TMEM196: variants seen among roughly 807,000 people sequenced by gnomAD.
TMEM196 encodes the protein transmembrane protein 196.
A neutral mutation model predicts 20.0 loss-of-function variants in TMEM196; 17 were observed. The observed-to-expected ratio is 0.85, with a 90% CI of 0.58 to 1.27. TMEM196 has a LOEUF of 1.27. TMEM196 is among the 50% of genes most tolerant of loss of function. The pLI is 0.00. For synonymous variants in TMEM196, 113 were observed against 88.9 expected (o/e 1.27, Z -1.52); for missense variants, 267 against 223.0 (o/e 1.20, Z -1.26).
chr7:19,724,301 G>C lies in TMEM196; in HGVS notation c.512C>G (p.Pro171Arg). The C allele has an allele frequency of 6.5e-7, 1 of 1,550,180 alleles. No individual in the cohort carries two copies. Among genetic ancestry groups the C allele is most frequent in the Non-Finnish European group, 8.7e-7 (1 of 1,146,760 alleles). Residue 171 changes from proline to arginine, a missense_variant, in exon 4 of 5, where the codon CCG becomes CGG. Coordinates refer to ENST00000405844, the MANE Select transcript of TMEM196 (RefSeq NM_001363562.2). ...TDLPSCPVVP[P>R]TPELPTRK Reference sequence around the variant, plus strand: ...GTACCTTGTAGGTAACTCTGGTGTCGGGGGCACCACCGGGCAGCTGGGCAA... The same window carrying C: ...GTACCTTGTAGGTAACTCTGGTGTCCGGGGCACCACCGGGCAGCTGGGCAA...
rs181263081 is a variant in TMEM196, at chr7:19,747,640, T to C, written c.148-18202A>G. The stretch of plus-strand genomic sequence containing the variant: ...GTTTGAACTTCAGCCTTTTTAACTC[T>C]AGAGGCTAACCTCATTTGGAATTTT... On this transcript the variant is annotated intron_variant, in intron 1 of 4. Transcript: ENST00000405844. 3.7e-3 allele frequency among the ~76,000 whole-genome samples: 568 copies of C among 152,376 alleles called. 22 individuals carry two copies. In the South Asian group the frequency reaches 0.1, roughly 27 times the overall value.
chr7:19,721,885 C>A lies in TMEM196; in HGVS notation c.*243G>T. 1 of 529,916 alleles carries A rather than the reference C, an allele frequency of 1.9e-6. No homozygotes were observed. Among genetic ancestry groups the A allele is most frequent in the Non-Finnish European group, 3.3e-6 (1 of 305,080 alleles). 32.8% of individuals were successfully genotyped at this position (529,916 alleles called of 1,614,324 possible). Reference sequence around the variant, plus strand: ...TTGAAATTATTGTACTAGAATGTTTCTGGAAAGTTTTTTACCCCATAAAAA... The same window carrying A: ...TTGAAATTATTGTACTAGAATGTTTATGGAAAGTTTTTTACCCCATAAAAA... On this transcript the variant is annotated 3_prime_UTR_variant, in exon 5 of 5. Transcript: ENST00000405844.
At chr7:19,743,225 G>C (rs1350035567) in intron 1 of TMEM196, among the ~76,000 whole-genome samples, 1 of 152,114 alleles carries the variant, frequency 6.6e-6, no homozygotes, top group Non-Finnish European at 1.5e-5. Context: ...AGACTACCTG[G>C]ATTGAAGGGA....
At chr7:19,755,282 G>C (rs956282020) in intron 1 of TMEM196, among the ~76,000 whole-genome samples, 1 of 152,070 alleles carries the variant, frequency 6.6e-6, no homozygotes, top group Non-Finnish European at 1.5e-5. Context: ...CATTGCAAAA[G>C]GTTTTAAACT....
intron 1 of TMEM196, among the ~76,000 whole-genome samples, chr7:19,745,719 C>A (rs1407932032): frequency 1.4e-5 from 2 of 147,586 alleles, no homozygotes; most frequent in East Asian, 3.9e-4. Context: ...CGGCCCTGTT[C>A]CATCCCACAT....
chr7:19,748,348 G>T (rs1416504605), intron 1 of TMEM196, among the ~76,000 whole-genome samples: 2 of 144,364 alleles, frequency 1.4e-5, no homozygotes, highest in Non-Finnish European at 3.0e-5. Context: ...AATTAGAAGA[G>T]ACATTATAAT....
At chr7:19,728,296 T>A (rs1032736787) in intron 2 of TMEM196, among the ~76,000 whole-genome samples, 3 of 152,080 alleles carry the variant, frequency 2.0e-5, no homozygotes, top group African/African-American at 7.2e-5. Flanking sequence ...TCATAAAGAG[T>A]CTTCGTAGAG....
At chr7:19,764,756 T>C (rs1785558510) in intron 1 of TMEM196, among the ~76,000 whole-genome samples, 1 of 152,148 alleles carries the variant, frequency 6.6e-6, no homozygotes, top group South Asian at 2.1e-4. Flanking sequence ...TCCAATATCT[T>C]AGATGCAAAA....
intron 1 of TMEM196, among the ~76,000 whole-genome samples, chr7:19,754,873 C>G (rs966664278): frequency 6.6e-6 from 1 of 152,140 alleles, no homozygotes; most frequent in African/African-American, 2.4e-5. Flanking sequence ...TTTTTTCCCA[C>G]TCATTTTTAG....
At chr7:19,759,697 A>C (rs934535700) in intron 1 of TMEM196, among the ~76,000 whole-genome samples, 1 of 151,880 alleles carries the variant, frequency 6.6e-6, no homozygotes, top group African/African-American at 2.4e-5. Context: ...CTAATTATCT[A>C]CTTCTCAAAA....
chr7:19,754,753 A>G (rs907069887), intron 1 of TMEM196, among the ~76,000 whole-genome samples: 2 of 152,218 alleles, frequency 1.3e-5, no homozygotes, highest in Non-Finnish European at 2.9e-5. Flanking sequence ...ACCTTAAGCA[A>G]GTCAATTAAT....
In TMEM196 at chr7:19,721,815, C is replaced by T. The variant is rs914962522; in HGVS notation, c.*313G>A. ...ATGCATTTTATTTCTGTTTTATTATCTCTTTTTCCTGAAAAGTCTTCTTTA... is the reference window on the plus strand; with the variant it reads ...ATGCATTTTATTTCTGTTTTATTATTTCTTTTTCCTGAAAAGTCTTCTTTA... On this transcript the variant is annotated 3_prime_UTR_variant, in exon 5 of 5. Coordinates refer to ENST00000405844, the MANE Select transcript of TMEM196 (RefSeq NM_001363562.2). 1 of 365,292 alleles carries T rather than the reference C, an allele frequency of 2.7e-6. No individual in the cohort carries two copies. The highest frequency in any genetic ancestry group is 2.2e-5 in the African/African-American group (1 of 46,380). 22.6% of individuals were successfully genotyped at this position (365,292 alleles called of 1,614,324 possible). A position where few individuals can be genotyped will look rare whatever the true frequency, so the allele number is the denominator to read the frequency against.
At chr7:19,752,645 C>T (rs1210959694) in intron 1 of TMEM196, among the ~76,000 whole-genome samples, 4 of 151,336 alleles carry the variant, frequency 2.6e-5, no homozygotes, top group Non-Finnish European at 5.9e-5. Context: ...GATGGAATCT[C>T]GCTCTGTCAC....
chr7:19,749,710 T>G lies in TMEM196; in HGVS notation c.148-20272A>C, dbSNP rs1784888509. 2.6e-5 allele frequency among the ~76,000 whole-genome samples: 4 copies of G among 152,248 alleles called. No homozygotes were observed. In the South Asian group the frequency reaches 8.3e-4, roughly 32 times the overall value. ...TGTATTCATTAACAACTTCTCCAGA[T>G]TTTTCTCATCTATTTTTGTTGTCTC... On this transcript the variant is annotated intron_variant, in intron 1 of 4. Transcript: ENST00000405844.
At chr7:19,768,511 A>G (rs542058733) in intron 1 of TMEM196, among the ~76,000 whole-genome samples, 23 of 152,272 alleles carry the variant, frequency 1.5e-4, no homozygotes, top group African/African-American at 4.1e-4. Flanking sequence ...ACTTTCACAC[A>G]GCAACTTGGA....
In TMEM196 at chr7:19,721,178, CAT is replaced by C. The variant is rs1309442862; in HGVS notation, c.*948_*949del. ...ATGGGCAATTTTAGTAGAAATTAAA[CAT>C]GTGATTTTGTGGGCATAGAAGGGCC... is the stretch of plus-strand genomic sequence containing the variant. On this transcript the variant is annotated 3_prime_UTR_variant, in exon 5 of 5. Transcript: ENST00000405844. 10 of 151,942 alleles carry C rather than the reference CAT, an allele frequency of 6.6e-5. No individual in the cohort carries two copies. The highest frequency in any genetic ancestry group is 6.2e-4 in the South Asian group (3 of 4,816). The allele number at this position is 151,942 out of a possible 1,614,324, so 9.4% of individuals were successfully genotyped here.
intron 1 of TMEM196, among the ~76,000 whole-genome samples, chr7:19,770,293 G>A (rs1352237353): frequency 6.6e-6 from 1 of 152,024 alleles, no homozygotes; most frequent in Non-Finnish European, 1.5e-5. Context: ...TTTTAAGACA[G>A]TGCTCTGACT....
rs888126990 is a variant in TMEM196, at chr7:19,737,651, C to T, written c.148-8213G>A. On this transcript the variant is annotated intron_variant, in intron 1 of 4. Coordinates refer to ENST00000405844, the MANE Select transcript of TMEM196 (RefSeq NM_001363562.2). Reference sequence around the variant, plus strand: ...AATGCATATTTCTATATAAAAAAGGCTGTCTGAGAAGGCTGTTCACTGTAT... The same window carrying T: ...AATGCATATTTCTATATAAAAAAGGTTGTCTGAGAAGGCTGTTCACTGTAT... Among the ~76,000 whole-genome samples, 10 of 151,760 alleles carry T rather than the reference C, an allele frequency of 6.6e-5. 1 individual carries two copies. Among genetic ancestry groups the T allele is most frequent in the African/African-American group, 2.2e-4 (9 of 41,342 alleles).
intron 2 of TMEM196, 62 bp from the exon 3 acceptor site, chr7:19,725,830 G>A (rs975744827): frequency 1.3e-6 from 2 of 1,504,750 alleles, no homozygotes; most frequent in African/African-American, 1.4e-5. Context: ...GAACACAGTT[G>A]CCCTGTCCGG....
Sources: gnomAD v4.1 joint callset for allele counts (sites outside exome capture counted in the v4.1 genomes callset) on GRCh38, gnomAD v4.1.1 for gene constraint, MANE v1.5 for transcripts, NCBI Gene and HGNC (gene_info 2026-07-23, HGNC 2026-07-21) for gene names.